CNTLN: variants seen among roughly 807,000 people sequenced by gnomAD.
The protein encoded by CNTLN is centlein, centrosomal protein.
CNTLN carries 212 observed loss-of-function variants against 180.0 expected under a neutral mutation model. The observed-to-expected ratio is 1.18, with a 90% CI of 1.05 to 1.32. The LOEUF (loss-of-function observed/expected upper bound fraction) is 1.32. CNTLN is among the 40% of genes most tolerant of loss of function. The pLI is 0.00. For missense variants in CNTLN, 2,095 were observed against 1,610.9 expected, an observed-to-expected ratio of 1.30 and a Z score of -5.14; for synonymous variants, 722 against 563.1, an observed-to-expected ratio of 1.28 and a Z score of -3.99.
intron 8 of CNTLN, among the ~76,000 whole-genome samples, chr9:17,309,576 A>G (rs1818981972): frequency 1.4e-5 from 1 of 70,608 alleles, no homozygotes; most frequent in Non-Finnish European, 3.6e-5. Flanking sequence ...GAGCTAATGG[A>G]ATAGAAAGTA....
At chr9:17,186,655 C>T (rs1412272902) in intron 2 of CNTLN, among the ~76,000 whole-genome samples, 1 of 152,020 alleles carries the variant, frequency 6.6e-6, no homozygotes, top group African/African-American at 2.4e-5. Flanking sequence ...CTTTTAGCTG[C>T]TAATCATGTG....
chr9:17,394,601 A>C lies in CNTLN; in HGVS notation c.2147A>C (p.Lys716Thr). ...TCGAGAAAATTAAAAGAAGGGAATA[A>C]AAAATTAATGAAAGAAAATGATTTT... is the stretch of plus-strand genomic sequence containing the variant. The part of the protein sequence containing the change: ...KRSRKLKEGN[K>T]KLMKENDFLK... The change falls in exon 15 of 26, where the codon AAA becomes ACA. Residue 716 changes from lysine (K) to threonine (T), a missense_variant. By Grantham distance (78) the Lys-to-Thr change is moderately conservative. Transcript: ENST00000380647. 1 of 1,596,498 alleles carries C rather than the reference A, an allele frequency of 6.3e-7. No individual in the cohort carries two copies. The highest frequency in any genetic ancestry group is 8.5e-7 in the Non-Finnish European group (1 of 1,175,562).
At chr9:17,448,676 A>G (rs1830596249) in intron 18 of CNTLN, 1 of 152,110 alleles carries the variant, frequency 6.6e-6, no homozygotes, top group African/African-American at 2.4e-5. Context: ...ATCAAGTATT[A>G]TTTTTGTTGA....
At chr9:17,163,654 A>G (rs1819841464) in intron 2 of CNTLN, among the ~76,000 whole-genome samples, 1 of 152,254 alleles carries the variant, frequency 6.6e-6, no homozygotes, top group South Asian at 2.1e-4. Flanking sequence ...CTGAACAAGC[A>G]AATGCATGAT....
chr9:17,312,326 C>A (rs867500263), intron 8 of CNTLN, among the ~76,000 whole-genome samples: 3 of 125,050 alleles, frequency 2.4e-5, no homozygotes, highest in Non-Finnish European at 5.2e-5. Context: ...AGGTAGTACT[C>A]GATAAGATTA....
At chr9:17,414,347 T>A (rs1165160142) in intron 16 of CNTLN, among the ~76,000 whole-genome samples, 1 of 152,212 alleles carries the variant, frequency 6.6e-6, no homozygotes, top group East Asian at 1.9e-4. Flanking sequence ...TTGTATTCAG[T>A]AATAGTACTG....
intron 6 of CNTLN, among the ~76,000 whole-genome samples, chr9:17,284,563 T>C (rs1470600721): frequency 1.3e-5 from 2 of 152,212 alleles, no homozygotes; most frequent in Non-Finnish European, 2.9e-5. Context: ...ATTTATAGTA[T>C]TATCTGAAGG....
intron 23 of CNTLN, among the ~76,000 whole-genome samples, chr9:17,482,860 T>C (rs915615154): frequency 6.6e-6 from 1 of 152,170 alleles, no homozygotes; most frequent in Non-Finnish European, 1.5e-5. Context: ...TATGATTTTA[T>C]TTAATAATCT....
chr9:17,339,947 A>G (rs1821347245), intron 10 of CNTLN, among the ~76,000 whole-genome samples: 1 of 152,074 alleles, frequency 6.6e-6, no homozygotes, highest in African/African-American at 2.4e-5. Flanking sequence ...TGATACCAGG[A>G]GTTCGAGACC....
At chr9:17,193,833 G>T (rs991052444) in intron 2 of CNTLN, among the ~76,000 whole-genome samples, 7 of 152,138 alleles carry the variant, frequency 4.6e-5, no homozygotes, top group African/African-American at 1.7e-4. Flanking sequence ...CTCCATGAGC[G>T]CCCGCCCTGC....
intron 2 of CNTLN, among the ~76,000 whole-genome samples, chr9:17,169,553 A>G (rs1820295269): frequency 6.6e-6 from 1 of 151,802 alleles, no homozygotes; most frequent in Admixed American, 6.6e-5. Flanking sequence ...TAAGCCTTTA[A>G]TCCATTTTGA....
intron 8 of CNTLN, among the ~76,000 whole-genome samples, chr9:17,312,384 A>ATAATATATATATATATATCTT (rs1563985021): frequency 9.3e-6 from 1 of 108,100 alleles, no homozygotes; most frequent in African/African-American, 3.6e-5. Context: ...ATATATATAT[A>ATAATATATATATATATATCTT]ATTTATTTAT....
At chr9:17,436,264 C>T (rs1829770911) in intron 18 of CNTLN, among the ~76,000 whole-genome samples, 1 of 152,062 alleles carries the variant, frequency 6.6e-6, no homozygotes, top group Admixed American at 6.6e-5. Flanking sequence ...TATTGATTCC[C>T]CTACCGTCTG....
intron 10 of CNTLN, among the ~76,000 whole-genome samples, chr9:17,336,880 G>C (rs897309086): frequency 6.6e-6 from 1 of 152,078 alleles, no homozygotes; most frequent in East Asian, 1.9e-4. Context: ...GATCCTTGAG[G>C]AATCGCCACA....
At chr9:17,260,264 G>T (rs1826853895) in intron 5 of CNTLN, among the ~76,000 whole-genome samples, 2 of 150,178 alleles carry the variant, frequency 1.3e-5, no homozygotes, top group Non-Finnish European at 2.9e-5. Context: ...AGGTTGTTCA[G>T]TTTCCATGTA....
downstream of CNTLN, among the ~76,000 whole-genome samples, chr9:17,506,825 A>C (rs1022717): frequency 6.6e-6 from 1 of 151,890 alleles, no homozygotes; most frequent in Non-Finnish European, 1.5e-5. Flanking sequence ...AAGAGTTGCT[A>C]TTTTTTTCCT....
chr9:17,341,333 T>C (rs1482799335), intron 11 of CNTLN, among the ~76,000 whole-genome samples: 1 of 152,182 alleles, frequency 6.6e-6, no homozygotes, highest in Non-Finnish European at 1.5e-5. Context: ...GTATTTAAAT[T>C]TTAGTGGAAA....
intron 8 of CNTLN, among the ~76,000 whole-genome samples, chr9:17,325,475 A>G (rs943769842): frequency 1.1e-4 from 17 of 151,004 alleles, no homozygotes; most frequent in Admixed American, 5.3e-4. Flanking sequence ...TAGTTTTCAG[A>G]GAACCGTCAT....
At position 17,312,342 on chromosome 9, in the gene CNTLN, TTTATATATATATATATATATA is replaced by T. The variant is rs1427127877; in HGVS notation, c.1341+3112_1341+3132del. 2.9e-3 allele frequency among the ~76,000 whole-genome samples: 34 copies of T among 11,568 alleles called. 1 individual carries two copies. The East Asian group carries it at 0.083, about 28-fold the overall frequency. 7.6% of individuals were successfully genotyped at this position (11,568 alleles called of 152,430 possible). A position where few individuals can be genotyped will look rare whatever the true frequency, so the allele number is the denominator to read the frequency against. On this transcript the variant is annotated intron_variant, in intron 8 of 25. Coordinates refer to ENST00000380647, the MANE Select transcript of CNTLN (RefSeq NM_017738.4). ...GGTAGTACTCGATAAGATTACTGTA[TTTATATATATATATATATATA>T]TTATATATATATATATATATAATTT...
Sources: gnomAD v4.1 joint callset for allele counts (sites outside exome capture counted in the v4.1 genomes callset) on GRCh38, gnomAD v4.1.1 for gene constraint, MANE v1.5 for transcripts, NCBI Gene and HGNC (gene_info 2026-07-23, HGNC 2026-07-21) for gene names.